Variants in RBM25 observed in about 807,000 individuals in gnomAD.
RBM25 encodes the protein RNA-binding protein 25.
A neutral mutation model predicts 120.7 loss-of-function variants in RBM25; 19 were observed. The observed-to-expected ratio is 0.16, with a 90% CI of 0.11 to 0.23. The LOEUF (loss-of-function observed/expected upper bound fraction) is 0.23. Ranked by LOEUF, RBM25 falls within the 10% of genes least tolerant of loss-of-function variation. RBM25 has a pLI of 1.00. For missense variants in RBM25, 605 were observed against 1,041.5 expected (o/e 0.58, Z 5.77); for synonymous variants, 390 against 326.7 (o/e 1.19, Z -2.09).
chr14:73,080,025 T>G (rs1336682961), intron 4 of RBM25, among the ~76,000 whole-genome samples: 2 of 150,168 alleles, frequency 1.3e-5, no homozygotes, highest in African/African-American at 4.9e-5. Flanking sequence ...AGTCTCTGTT[T>G]TGCTATGTTA....
chr14:73,086,943 G>T (rs1489244310), intron 5 of RBM25, among the ~76,000 whole-genome samples: 1 of 152,172 alleles, frequency 6.6e-6, no homozygotes, highest in African/African-American at 2.4e-5. Context: ...GATCTCAGGT[G>T]ATCTGCCCGC....
intron 1 of RBM25, among the ~76,000 whole-genome samples, chr14:73,065,947 T>C (rs570742689): frequency 4.2e-4 from 64 of 152,286 alleles, no homozygotes; most frequent in Admixed American, 1.7e-3. Context: ...TTGTAACCAT[T>C]GTGAGGCTAG....
At chr14:73,109,187 ACT>A (rs1896253335) in intron 13 of RBM25, 153 bp from the exon 14 acceptor site, 9 of 710,254 alleles carry the variant, frequency 1.3e-5, no homozygotes, top group Non-Finnish European at 1.9e-5. Flanking sequence ...TAGAGAGCAC[ACT>A]CTGGTGTGTT....
chr14:73,085,706 C>T (rs1397556213), intron 5 of RBM25, among the ~76,000 whole-genome samples: 2 of 151,890 alleles, frequency 1.3e-5, no homozygotes, highest in African/African-American at 4.8e-5. Flanking sequence ...CTCAGTCTCC[C>T]AAAGTGCTGG....
intron 6 of RBM25, among the ~76,000 whole-genome samples, chr14:73,093,319 C>T (rs931746321): frequency 6.6e-6 from 1 of 152,166 alleles, no homozygotes; most frequent in Non-Finnish European, 1.5e-5. Context: ...GATTCTAGAC[C>T]TCAGTGCCAA....
intron 6 of RBM25, among the ~76,000 whole-genome samples, chr14:73,093,022 GGTGGCCATGCTAATTTAGTTCAT>G: frequency 6.6e-6 from 1 of 152,154 alleles, no homozygotes; most frequent in Admixed American, 6.5e-5. Context: ...TTCCATGTGA[GGTGGCCATGCTAATTTAGTTCAT>G]GTCCTATTGC....
At chr14:73,094,507 G>T (rs1895891360) in intron 6 of RBM25, among the ~76,000 whole-genome samples, 2 of 151,714 alleles carry the variant, frequency 1.3e-5, no homozygotes, top group Non-Finnish European at 2.9e-5. Flanking sequence ...GAGTGCAGTG[G>T]CGTGATATTG....
intron 4 of RBM25, among the ~76,000 whole-genome samples, chr14:73,078,869 G>A (rs1895488448): frequency 6.6e-6 from 1 of 152,134 alleles, no homozygotes; most frequent in Admixed American, 6.5e-5. Context: ...TTTCCAAAGT[G>A]TTGAGATTAC....
At chr14:73,102,067 A>T (rs1896067266) in intron 9 of RBM25, 1 of 152,236 alleles carries the variant, frequency 6.6e-6, no homozygotes, top group Non-Finnish European at 1.5e-5. Context: ...GGAAGAGAAA[A>T]AGAGTATCTG....
At position 73,123,027 on chromosome 14, in the gene RBM25, TA is replaced by T. The variant is rs1481484271; in HGVS notation, c.*3224del. The T allele has an allele frequency of 6.6e-6, 1 of 152,202 alleles. No individual in the cohort carries two copies. Among genetic ancestry groups the T allele is most frequent in the Non-Finnish European group, 1.5e-5 (1 of 68,034 alleles). The allele number at this position is 152,202 out of a possible 1,614,324, so 9.4% of individuals were successfully genotyped here. ...TGCAAAATTATGTCTGAGAAAGCCCTAATATTCTAGGCTTTTTTTCCATCCA... is the reference window on the plus strand; with the variant it reads ...TGCAAAATTATGTCTGAGAAAGCCCTATATTCTAGGCTTTTTTTCCATCCA... On this transcript the variant is annotated 3_prime_UTR_variant, in exon 19 of 19. Coordinates refer to ENST00000261973, the MANE Select transcript of RBM25 (RefSeq NM_021239.3).
chr14:73,091,896 C>T (rs574314076), intron 6 of RBM25, among the ~76,000 whole-genome samples: 12 of 151,960 alleles, frequency 7.9e-5, no homozygotes, highest in African/African-American at 2.9e-4. Flanking sequence ...AGCGAAGTTA[C>T]ATGCAATAAA....
At position 73,088,022 on chromosome 14, in the gene RBM25, A is replaced by G. The variant is rs763113947; in HGVS notation, c.404A>G (p.Lys135Arg). The G allele has an allele frequency of 5.0e-6, 8 of 1,613,896 alleles. No homozygotes were observed. The highest frequency in any genetic ancestry group is 6.8e-6 in the Non-Finnish European group (8 of 1,180,016). ...KLQAFGFCEY[K>R]EPESTLRALR... ...CTAGCCTTCGGATTCTGTGAGTACA[A>G]GGAGCCAGAATCTACCCTCCGTGCA... The change falls in exon 6 of 19, where the codon AAG (lysine) becomes AGG (arginine). Residue 135 changes from lysine (K) to arginine (R), a missense_variant. By Grantham distance (26) the Lys-to-Arg change is conservative (BLOSUM62 2). Transcript: ENST00000261973.
chr14:73,077,562 T>TA, intron 4 of RBM25, 26 bp downstream of exon 4: 1 of 1,526,208 alleles, frequency 6.6e-7, no homozygotes, highest in Non-Finnish European at 8.8e-7. Flanking sequence ...TATTTTTCAT[T>TA]AAAAATTTTT....
At chr14:73,107,689 T>G in intron 12 of RBM25, 137 bp from the exon 13 acceptor site, 1 of 671,474 alleles carries the variant, frequency 1.5e-6, no homozygotes, top group East Asian at 2.7e-5. Context: ...TAAAATTATG[T>G]GAAGAGAAAT....
intron 16 of RBM25, 142 bp from the exon 17 acceptor site, chr14:73,112,010 T>C (rs536437895): frequency 9.9e-7 from 1 of 1,013,916 alleles, no homozygotes; most frequent in South Asian, 1.6e-5. Flanking sequence ...TAAAAGCAGA[T>C]GATTGTATCT....
chr14:73,088,265 TG>T, intron 6 of RBM25, 104 bp downstream of exon 6: 1 of 1,397,274 alleles, frequency 7.2e-7, no homozygotes, highest in Non-Finnish European at 1.0e-6. Flanking sequence ...AAGATCATCA[TG>T]TATGTGCTTG....
At chr14:73,091,673 A>G (rs1479379511) in intron 6 of RBM25, among the ~76,000 whole-genome samples, 1 of 151,978 alleles carries the variant, frequency 6.6e-6, no homozygotes, top group Non-Finnish European at 1.5e-5. Context: ...GGAGTTTGAA[A>G]CCAGCCTGGC....
At chr14:73,083,207 C>T (rs996258029) in intron 4 of RBM25, among the ~76,000 whole-genome samples, 5 of 152,000 alleles carry the variant, frequency 3.3e-5, no homozygotes, top group African/African-American at 7.2e-5. Context: ...TTTAGGTTTA[C>T]GTGTTTATTT....
chr14:73,085,279 A>G (rs1343607519), intron 5 of RBM25, among the ~76,000 whole-genome samples: 1 of 151,822 alleles, frequency 6.6e-6, no homozygotes, highest in Non-Finnish European at 1.5e-5. Flanking sequence ...GGCCTCCCAA[A>G]GTGCTGGGAT....
Sources: gnomAD v4.1 joint callset for allele counts (sites outside exome capture counted in the v4.1 genomes callset) on GRCh38, gnomAD v4.1.1 for gene constraint, MANE v1.5 for transcripts, NCBI Gene and HGNC (gene_info 2026-07-23, HGNC 2026-07-21) for gene names.